LMF1: variants seen among roughly 807,000 people sequenced by gnomAD.
LMF1 encodes lipase maturation factor 1.
LMF1 carries 68 observed loss-of-function variants against 60.6 expected under a neutral mutation model. That is an observed-to-expected ratio of 1.12 (90% CI 0.92 to 1.37). LMF1 has a LOEUF of 1.37. Among genes scored for constraint, LMF1 ranks in the 40% most tolerant of loss-of-function variants. LMF1 has a pLI of 0.00. For missense variants in LMF1, 948 were observed against 767.2 expected (o/e 1.24, Z -2.78); for synonymous variants, 418 against 324.7 (o/e 1.29, Z -3.09).
chr16:960,393 C>T (rs1597081503), intron 1 of LMF1, among the ~76,000 whole-genome samples: 1 of 91,826 alleles, frequency 1.1e-5, no homozygotes, highest in African/African-American at 5.3e-5. Flanking sequence ...CACGGGATCA[C>T]GACCCAGACA....
intron 9 of LMF1, 34 bp from the exon 10 acceptor site, chr16:869,090 C>T (rs2069698761): frequency 2.1e-6 from 3 of 1,396,234 alleles, no homozygotes; most frequent in South Asian, 2.3e-5. Context: ...GACGGCTGTG[C>T]CACTCGCTGT....
chr16:973,505 G>A (rs779260353), upstream of LMF1, among the ~76,000 whole-genome samples: 10 of 152,332 alleles, frequency 6.6e-5, no homozygotes, highest in Non-Finnish European at 1.2e-4. Context: ...AAGCCACGGG[G>A]AAAGGAGGGA....
chr16:951,456 C>A (rs184274072), intron 2 of LMF1, among the ~76,000 whole-genome samples: 3 of 150,728 alleles, frequency 2.0e-5, no homozygotes, highest in Admixed American at 1.3e-4. Flanking sequence ...TGCAAGGCTG[C>A]GTGGCTTTAT....
chr16:911,389 G>C (rs1268205031), intron 3 of LMF1, among the ~76,000 whole-genome samples: 1 of 152,108 alleles, frequency 6.6e-6, no homozygotes, highest in Admixed American at 6.5e-5. Flanking sequence ...GCACGGACCT[G>C]ACATCTGAGA....
intron 1 of LMF1, among the ~76,000 whole-genome samples, chr16:978,117 CCATA>C (rs2073220149): frequency 1.5e-5 from 2 of 137,808 alleles, no homozygotes; most frequent in South Asian, 2.3e-4. Context: ...ACACCACACA[CCATA>C]CACACACCAC....
At chr16:881,036 C>T (rs1368522255) in intron 5 of LMF1, among the ~76,000 whole-genome samples, 1 of 152,226 alleles carries the variant, frequency 6.6e-6, no homozygotes, top group Non-Finnish European at 1.5e-5. Flanking sequence ...CCCCCAGACG[C>T]TTCAGAATCC....
chr16:978,207 TCATACACATACACACCACACAC>T (rs1393548539), intron 1 of LMF1, among the ~76,000 whole-genome samples: 2 of 143,998 alleles, frequency 1.4e-5, no homozygotes, highest in Non-Finnish European at 3.0e-5. Context: ...ATCACACACA[TCATACACATACACACCACACAC>T]CATACACACC....
chr16:907,751 G>A (rs1367107752), intron 4 of LMF1, among the ~76,000 whole-genome samples: 1 of 152,174 alleles, frequency 6.6e-6, no homozygotes, highest in African/African-American at 2.4e-5. Context: ...TGGACACTCT[G>A]CTGCTGTCAC....
At chr16:861,354 C>CTTTTTTTTTTTTTTTTT (rs33941455) in intron 10 of LMF1, among the ~76,000 whole-genome samples, 3 of 92,664 alleles carry the variant, frequency 3.2e-5, no homozygotes. Flanking sequence ...AATTTTCTTT[C>CTTTTTTTTTTTTTTTTT]TTTTTTTTTT....
rs775541555 is a variant in LMF1 at position 871,283 on chromosome 16, C to A, written c.956G>T (p.Ser319Ile). The A allele has an allele frequency of 6.2e-7, 1 of 1,612,474 alleles. No individual in the cohort carries two copies. Among genetic ancestry groups the A allele is most frequent in the Middle Eastern group, 1.7e-4 (1 of 6,052 alleles). ...GGTGGCGTCATCAAAGCAGGCCAGGCTGGGCACCATAGTCAGCCAGTTCAG... is the reference window on the plus strand; with the variant it reads ...GGTGGCGTCATCAAAGCAGGCCAGGATGGGCACCATAGTCAGCCAGTTCAG... Reference protein sequence around the residue: ...SFLNWLTMVPSLACFDDATLG... With the variant: ...SFLNWLTMVPILACFDDATLG... Residue 319 changes from serine (S) to isoleucine (I), a missense_variant, in exon 7 of 11, where the codon AGC (serine) becomes ATC (isoleucine). Transcript: ENST00000262301.
intron 6 of LMF1, among the ~76,000 whole-genome samples, chr16:875,266 C>T (rs1018263905): frequency 3.3e-5 from 5 of 152,174 alleles, no homozygotes; most frequent in Admixed American, 3.3e-4. Flanking sequence ...CACCAGGCAG[C>T]GGACTCCAAA....
chr16:915,850 C>T lies in LMF1; in HGVS notation c.515-4771G>A, dbSNP rs376347523. Among the ~76,000 whole-genome samples the T allele has an allele frequency of 4.8e-4, 73 of 152,016 alleles. No individual in the cohort carries two copies. In the South Asian group the frequency reaches 8.5e-3, roughly 18 times the overall value. On this transcript the variant is annotated intron_variant, in intron 3 of 10. Coordinates refer to ENST00000262301, the MANE Select transcript of LMF1 (RefSeq NM_022773.4). ...GCCGGAGCAGGTGAGATGCAGGGGCCGGAGCACGTGGGACGCGGGGGCCGG... is the reference window on the plus strand; with the variant it reads ...GCCGGAGCAGGTGAGATGCAGGGGCTGGAGCACGTGGGACGCGGGGGCCGG...
At chr16:868,071 T>C (rs1362449655) in intron 10 of LMF1, among the ~76,000 whole-genome samples, 1 of 152,094 alleles carries the variant, frequency 6.6e-6, no homozygotes, top group Non-Finnish European at 1.5e-5. Context: ...GTCCAGACTC[T>C]GCTCTGTTCC....
chr16:868,194 CTGCCCCACCCTG>C (rs1308990794), intron 10 of LMF1, among the ~76,000 whole-genome samples: 6 of 152,124 alleles, frequency 3.9e-5, no homozygotes, highest in East Asian at 3.9e-4. Context: ...CCTCCATGCT[CTGCCCCACCCTG>C]GGCCCCACCC....
At chr16:966,432 G>A (rs2072924017) in intron 1 of LMF1, among the ~76,000 whole-genome samples, 1 of 152,226 alleles carries the variant, frequency 6.6e-6, no homozygotes, top group Non-Finnish European at 1.5e-5. Context: ...AATCCCTCAG[G>A]AGTGTCTCTG....
At position 897,872 on chromosome 16, in the gene LMF1, A is replaced by G. The variant is rs185685098; in HGVS notation, c.664-4800T>C. On this transcript the variant is annotated intron_variant, in intron 4 of 10. Coordinates refer to ENST00000262301, the MANE Select transcript of LMF1 (RefSeq NM_022773.4). The surrounding 1 kb of genome is among the most constrained non-coding windows in gnomAD (Gnocchi z 4.3). ...CCGCACTTTCTTGCCCTCATGCAAG[A>G]GAGAACTGGCATGGGAGGTGGGCTC... 6.1e-4 allele frequency among the ~76,000 whole-genome samples: 93 copies of G among 152,320 alleles called. No individual in the cohort carries two copies. Among genetic ancestry groups the G allele is most frequent in the African/African-American group, 2.2e-3 (91 of 41,560 alleles).
In LMF1 at chr16:886,401, C is replaced by A. The variant is rs1441204176; in HGVS notation, c.729+6606G>T. On this transcript the variant is annotated intron_variant, in intron 5 of 10. Coordinates refer to ENST00000262301, the MANE Select transcript of LMF1 (RefSeq NM_022773.4). ...ATCCAGGCCCACGGAAGGTCGGTGT[C>A]TCCTCAGGCCTGCACTCGCCCAGTG... Among the ~76,000 whole-genome samples the A allele has an allele frequency of 2.6e-5, 4 of 152,258 alleles. No individual in the cohort carries two copies. In the East Asian group the frequency reaches 7.7e-4, roughly 29 times the overall value.
At chr16:881,287 G>A (rs2070155732) in intron 5 of LMF1, 1 of 152,276 alleles carries the variant, frequency 6.6e-6, no homozygotes, top group Non-Finnish European at 1.5e-5. Context: ...TTGCTTAGAG[G>A]GCAAAGAGTT....
At chr16:959,547 G>T (rs947974312) in intron 1 of LMF1, among the ~76,000 whole-genome samples, 5 of 152,188 alleles carry the variant, frequency 3.3e-5, no homozygotes, top group African/African-American at 1.2e-4. Flanking sequence ...ACCCGACCAG[G>T]AGGTTGGGGG....
Sources: allele counts gnomAD v4.1 joint callset (sites outside exome capture counted in the v4.1 genomes callset), GRCh38; gene constraint gnomAD v4.1.1; non-coding constraint Gnocchi (gnomAD v3.1); transcripts MANE v1.5; gene names NCBI Gene and HGNC (gene_info 2026-07-23, HGNC 2026-07-21).